The following APBA1 variants were observed in gnomAD, a reference collection of about 807,000 sequenced individuals.
APBA1 encodes amyloid-beta A4 precursor protein-binding family A member 1.
APBA1 carries 55 observed loss-of-function variants against 86.6 expected under a neutral mutation model. The observed-to-expected ratio is 0.64, with a 90% CI of 0.51 to 0.80. The LOEUF is 0.80. APBA1 is among the 30% of genes least tolerant of loss of function. APBA1 has a pLI of 0.00. For synonymous variants in APBA1, 511 were observed against 493.9 expected (o/e 1.03, Z -0.46); for missense variants, 1,090 against 1,183.0 (o/e 0.92, Z 1.15).
intron 1 of APBA1, among the ~76,000 whole-genome samples, chr9:69,602,843 T>A (rs1822381265): frequency 6.6e-6 from 1 of 152,080 alleles, no homozygotes. Flanking sequence ...CATTACATAT[T>A]TAGAAATATA....
intron 1 of APBA1, among the ~76,000 whole-genome samples, chr9:69,611,066 A>G (rs1310522792): frequency 6.6e-6 from 1 of 151,406 alleles, no homozygotes; most frequent in East Asian, 1.9e-4. Context: ...TTGTTGTTTT[A>G]AGTCTGGAAG....
chr9:69,455,934 T>TGTTGATCA (rs1835088291), intron 8 of APBA1, among the ~76,000 whole-genome samples: 1 of 152,206 alleles, frequency 6.6e-6, no homozygotes, highest in Non-Finnish European at 1.5e-5. Context: ...GTGAGGGCTT[T>TGTTGATCA]GTTGATCACC....
chr9:69,658,304 C>CCCTCTTTCTTTCTT (rs1823671340), intron 1 of APBA1, among the ~76,000 whole-genome samples: 1 of 79,944 alleles, frequency 1.3e-5, no homozygotes, highest in Non-Finnish European at 2.6e-5. Context: ...TTCTCTCTCT[C>CCCTCTTTCTTTCTT]TCTTTCTTTC....
intron 1 of APBA1, among the ~76,000 whole-genome samples, chr9:69,589,317 A>G (rs892842557): frequency 5.3e-5 from 8 of 152,206 alleles, no homozygotes; most frequent in African/African-American, 4.8e-5. Context: ...AAGATAATCA[A>G]TCACTGTTGC....
intron 1 of APBA1, among the ~76,000 whole-genome samples, chr9:69,655,914 A>C (rs951038472): frequency 4.6e-5 from 7 of 152,210 alleles, no homozygotes; most frequent in Admixed American, 4.6e-4. Flanking sequence ...TATCGCCACA[A>C]AGAAATCATA....
chr9:69,449,922 T>G, intron 9 of APBA1, 126 bp from the exon 10 acceptor site: 1 of 723,728 alleles, frequency 1.4e-6, no homozygotes, highest in Non-Finnish European at 2.2e-6. Context: ...CCAACCCAGA[T>G]GAGTTCCTGT....
At chr9:69,540,604 ATTTAG>A (rs1836589974) in intron 1 of APBA1, among the ~76,000 whole-genome samples, 1 of 151,986 alleles carries the variant, frequency 6.6e-6, no homozygotes, top group South Asian at 2.1e-4. Context: ...TTTATTATTT[ATTTAG>A]TTATTTTAGA....
intron 2 of APBA1, among the ~76,000 whole-genome samples, chr9:69,498,010 C>G (rs1835826496): frequency 6.6e-6 from 1 of 152,118 alleles, no homozygotes; most frequent in Non-Finnish European, 1.5e-5. Context: ...GCAGAGTTCT[C>G]AGATGGCTCC....
At chr9:69,562,485 C>T (rs1035972980) in intron 1 of APBA1, among the ~76,000 whole-genome samples, 1 of 151,986 alleles carries the variant, frequency 6.6e-6, no homozygotes, top group Non-Finnish European at 1.5e-5. Context: ...ATTGATTCTC[C>T]TGCCTCAGCC....
At chr9:69,561,828 C>T (rs1175698126) in intron 1 of APBA1, among the ~76,000 whole-genome samples, 2 of 151,904 alleles carry the variant, frequency 1.3e-5, no homozygotes, top group Non-Finnish European at 2.9e-5. Flanking sequence ...GGTTTCGTCA[C>T]GTTGGCCAGG....
At chr9:69,627,263 T>C (rs1822952270) in intron 1 of APBA1, among the ~76,000 whole-genome samples, 1 of 152,166 alleles carries the variant, frequency 6.6e-6, no homozygotes, top group African/African-American at 2.4e-5. Context: ...TCATCTTATT[T>C]GATTGTCTTG....
chr9:69,637,095 G>T (rs1373214459), intron 1 of APBA1, among the ~76,000 whole-genome samples: 1 of 152,094 alleles, frequency 6.6e-6, no homozygotes, highest in Non-Finnish European at 1.5e-5. Flanking sequence ...AGGTATTTAC[G>T]TTAAGTGAAA....
At chr9:69,577,071 C>A (rs1481634931) in intron 1 of APBA1, among the ~76,000 whole-genome samples, 1 of 152,046 alleles carries the variant, frequency 6.6e-6, no homozygotes, top group Non-Finnish European at 1.5e-5. Context: ...GTATAGTGAT[C>A]AGATCAGGGT....
chr9:69,515,783 G>A (rs565579614), intron 2 of APBA1, among the ~76,000 whole-genome samples: 73 of 151,542 alleles, frequency 4.8e-4, no homozygotes, highest in Non-Finnish European at 8.8e-4. Context: ...ACTGATTTGA[G>A]GCCATCCTGC....
At chr9:69,580,812 C>T (rs1343278324) in intron 1 of APBA1, among the ~76,000 whole-genome samples, 1 of 152,178 alleles carries the variant, frequency 6.6e-6, no homozygotes, top group Non-Finnish European at 1.5e-5. Flanking sequence ...ATAAACTTCG[C>T]ATATCCCTCT....
chr9:69,491,645 G>A (rs1415371966), intron 2 of APBA1, among the ~76,000 whole-genome samples: 2 of 151,628 alleles, frequency 1.3e-5, no homozygotes, highest in Non-Finnish European at 2.9e-5. Context: ...CTAAGACAAT[G>A]GGTTTAGTCC....
intron 7 of APBA1, 97 bp from the exon 8 acceptor site, chr9:69,456,529 G>A: frequency 7.7e-7 from 1 of 1,303,334 alleles, no homozygotes; most frequent in Non-Finnish European, 1.1e-6. Flanking sequence ...TGGTTCGCAT[G>A]CAGGGTGGGC....
Position 69,431,279 on chromosome 9 carries a change from A to G in APBA1, c.*48T>C. The G allele has an allele frequency of 2.0e-6, 3 of 1,474,132 alleles. No individual in the cohort carries two copies. The highest frequency in any genetic ancestry group is 2.6e-5 in the South Asian group (2 of 75,954). The allele number at this position is 1,474,132 out of a possible 1,614,324, so 91.3% of individuals were successfully genotyped here. A position where few individuals can be genotyped will look rare whatever the true frequency, so the allele number is the denominator to read the frequency against. Reference sequence around the variant, plus strand: ...ACAGGGATGCAGCACGAGAAACACAACCACGAAGAGGAGAGTCCTCCATGC... The same window carrying G: ...ACAGGGATGCAGCACGAGAAACACAGCCACGAAGAGGAGAGTCCTCCATGC... On this transcript the variant is annotated 3_prime_UTR_variant, in exon 13 of 13. Coordinates refer to ENST00000265381, the MANE Select transcript of APBA1 (RefSeq NM_001163.4).
At chr9:69,652,794 T>G (rs555077607) in intron 1 of APBA1, among the ~76,000 whole-genome samples, 2 of 152,204 alleles carry the variant, frequency 1.3e-5, no homozygotes, top group East Asian at 3.9e-4. Context: ...ATGGAGACCA[T>G]TCTGGCTAAC....
Sources: gnomAD v4.1 joint callset for allele counts (sites outside exome capture counted in the v4.1 genomes callset) on GRCh38, gnomAD v4.1.1 for gene constraint, MANE v1.5 for transcripts, NCBI Gene and HGNC (gene_info 2026-07-23, HGNC 2026-07-21) for gene names.